Variants in DGKE observed in about 807,000 individuals in gnomAD.
The protein encoded by DGKE is DAG kinase epsilon.
DGKE carries 53 observed loss-of-function variants against 70.0 expected under a neutral mutation model. That is an observed-to-expected ratio of 0.76 (90% confidence interval 0.61 to 0.95). The LOEUF is 0.95. DGKE is among the 40% of genes least tolerant of loss of function. DGKE has a pLI of 0.00. For synonymous variants in DGKE, 291 were observed against 257.0 expected (o/e 1.13, Z -1.27); for missense variants, 655 against 706.9 (o/e 0.93, Z 0.83).
intron 4 of DGKE, among the ~76,000 whole-genome samples, chr17:56,846,879 C>T (rs1322241658): frequency 6.6e-6 from 1 of 152,106 alleles, no homozygotes; most frequent in African/African-American, 2.4e-5. Flanking sequence ...TAACAATAAT[C>T]TAGATACAAA....
rs1267029237 is a variant in DGKE at position 56,867,616 on chromosome 17, C to A, written c.*4825C>A. 6.6e-6 allele frequency: 1 copy of A among 152,306 alleles called. No homozygotes were observed. Among genetic ancestry groups the A allele is most frequent in the Non-Finnish European group, 1.5e-5 (1 of 68,898 alleles). 9.4% of individuals were successfully genotyped at this position (152,306 alleles called of 1,614,324 possible). Reference sequence around the variant, plus strand: ...AGACTCCATCTCAAAAAAAAAAAGGCCGGGCGTGGTGGCTCACGCCTGTAA... The same window carrying A: ...AGACTCCATCTCAAAAAAAAAAAGGACGGGCGTGGTGGCTCACGCCTGTAA... On this transcript the variant is annotated 3_prime_UTR_variant, in exon 12 of 12. Transcript: ENST00000284061.
chr17:56,854,063 C>T (rs1907801800), intron 7 of DGKE, among the ~76,000 whole-genome samples: 1 of 65,644 alleles, frequency 1.5e-5, no homozygotes, highest in African/African-American at 5.3e-5. Flanking sequence ...ATAAATAAAC[C>T]AGTCACAGAC....
At chr17:56,858,989 T>C (rs1247476058) in intron 9 of DGKE, among the ~76,000 whole-genome samples, 1 of 152,220 alleles carries the variant, frequency 6.6e-6, no homozygotes, top group Non-Finnish European at 1.5e-5. Context: ...AAATCCAGTC[T>C]GTTTAACTAT....
At chr17:56,851,267 A>T (rs746900292) in intron 7 of DGKE, among the ~76,000 whole-genome samples, 2 of 152,066 alleles carry the variant, frequency 1.3e-5, no homozygotes, top group Non-Finnish European at 2.9e-5. Flanking sequence ...CCTTTCCCCA[A>T]CTTCACATGG....
intron 3 of DGKE, among the ~76,000 whole-genome samples, chr17:56,845,440 T>C (rs1018724678): frequency 2.6e-5 from 4 of 152,170 alleles, no homozygotes; most frequent in Admixed American, 2.6e-4. Flanking sequence ...CTTATGTGAG[T>C]GTGCGAGCAT....
At chr17:56,834,696 C>T in intron 1 of DGKE, 82 bp from the exon 2 acceptor site, 2 of 1,341,804 alleles carry the variant, frequency 1.5e-6, no homozygotes, top group Non-Finnish European at 2.0e-6. Flanking sequence ...TGAGGGCGCC[C>T]GGTTTGGCCC....
intron 9 of DGKE, 22 bp from the exon 10 acceptor site, chr17:56,861,769 A>G (rs1908304829): frequency 6.2e-7 from 1 of 1,609,472 alleles, no homozygotes; most frequent in Non-Finnish European, 8.5e-7. Context: ...TGTAGTCACT[A>G]TCTATTTGTA....
rs370811171 is a variant in DGKE, at chr17:56,856,492, A to G, written c.1099-20A>G. 2.0e-5 allele frequency: 32 copies of G among 1,607,498 alleles called. No homozygotes were observed. The highest frequency in any genetic ancestry group is 2.7e-5 in the Non-Finnish European group (32 of 1,176,908). On this transcript the variant is annotated intron_variant, in intron 7 of 11. Coordinates refer to ENST00000284061, the MANE Select transcript of DGKE (RefSeq NM_003647.3). ...TAGGTGGAACCATAGTCTGTTGCTT[A>G]TTCTTACCCTTTCTCACAGGAATTC...
intron 7 of DGKE, 118 bp downstream of exon 7, chr17:56,849,350 A>T: frequency 1.2e-6 from 1 of 867,664 alleles, no homozygotes; most frequent in Non-Finnish European, 1.8e-6. Flanking sequence ...GTGGAGCAGA[A>T]CAGAAGCTTA....
At chr17:56,844,401 T>C (rs1907169343) in intron 3 of DGKE, among the ~76,000 whole-genome samples, 1 of 152,194 alleles carries the variant, frequency 6.6e-6, no homozygotes, top group Admixed American at 6.5e-5. Context: ...TTGAGTTCTT[T>C]CATGTCTAAA....
intron 7 of DGKE, among the ~76,000 whole-genome samples, chr17:56,855,983 G>A (rs982953842): frequency 4.1e-5 from 6 of 147,098 alleles, no homozygotes; most frequent in African/African-American, 1.5e-4. Flanking sequence ...TCCAGCCAGG[G>A]CGACAGTCCG....
At chr17:56,853,472 C>G (rs1044417100) in intron 7 of DGKE, among the ~76,000 whole-genome samples, 1 of 152,056 alleles carries the variant, frequency 6.6e-6, no homozygotes, top group African/African-American at 2.4e-5. Flanking sequence ...TGAATTGATT[C>G]TTTATAATGG....
chr17:56,853,201 C>T (rs905930219), intron 7 of DGKE, among the ~76,000 whole-genome samples: 3 of 152,114 alleles, frequency 2.0e-5, no homozygotes, highest in Admixed American at 6.5e-5. Context: ...AGTTCCTTAT[C>T]GAGTGTATAA....
Position 56,861,888 on chromosome 17 carries a change from G to A in DGKE, c.1382G>A (p.Gly461Glu), listed in dbSNP as rs1235326725. 6.2e-7 allele frequency: 1 copy of A among 1,612,750 alleles called. No individual in the cohort carries two copies. Among genetic ancestry groups the A allele is most frequent in the African/African-American group, 1.3e-5 (1 of 74,816 alleles). The change falls in exon 10 of 12, where the codon GGG (glycine) becomes GAG (glutamate). Residue 461 changes from glycine to glutamate, a missense_variant. Coordinates refer to ENST00000284061, the MANE Select transcript of DGKE (RefSeq NM_003647.3). ...YWGGGCRLWE[G>E]MGDETYPLAR... The stretch of plus-strand genomic sequence containing the variant: ...GGCGGTGGCTGCAGACTATGGGAAG[G>A]GATGGGGGACGAGACTTACCCTCTA...
rs1908427654 is a variant in DGKE at position 56,863,980 on chromosome 17, T to G, written c.*1189T>G. The G allele has an allele frequency of 6.6e-6, 1 of 152,248 alleles. No homozygotes were observed. The highest frequency in any genetic ancestry group is 2.4e-5 in the African/African-American group (1 of 41,464). 9.4% of individuals were successfully genotyped at this position (152,248 alleles called of 1,614,324 possible). On this transcript the variant is annotated 3_prime_UTR_variant, in exon 12 of 12. Coordinates refer to ENST00000284061, the MANE Select transcript of DGKE (RefSeq NM_003647.3). The stretch of plus-strand genomic sequence containing the variant: ...AATTCTCCTGACAGAAATCTAGATA[T>G]TCTTATTCTTCACAAATATTCCTCA...
At chr17:56,847,390 A>G (rs1907352699) in intron 4 of DGKE, 1 of 148,020 alleles carries the variant, frequency 6.8e-6, no homozygotes, top group African/African-American at 2.5e-5. Context: ...GCTGGAGTGC[A>G]GGGGCATGAT....
intron 7 of DGKE, among the ~76,000 whole-genome samples, chr17:56,854,198 T>G (rs1907811860): frequency 1.3e-5 from 2 of 152,140 alleles, no homozygotes; most frequent in African/African-American, 4.8e-5. Context: ...AGACATTGGT[T>G]AATAGGTACA....
chr17:56,862,191 T>C lies in DGKE; in HGVS notation c.1464T>C (p.Cys488=). Residue 488 remains cysteine (C), a synonymous_variant, in exon 11 of 12, where the codon TGT becomes TGC. Coordinates refer to ENST00000284061, the MANE Select transcript of DGKE (RefSeq NM_003647.3). The part of the protein sequence containing the change: ...EVVGVYGSFH[C]AQIQVKLANP... ...TTGGAGTATATGGGTCTTTCCACTG[T>C]GCTCAGATTCAAGTAAAACTGGCTA... is the stretch of plus-strand genomic sequence containing the variant. 2 of 1,614,242 alleles carry C rather than the reference T, an allele frequency of 1.2e-6. No individual in the cohort carries two copies. The highest frequency in any genetic ancestry group is 1.7e-6 in the Non-Finnish European group (2 of 1,180,032).
At chr17:56,862,085 C>G (rs745762759) in intron 10 of DGKE, 55 bp from the exon 11 acceptor site, 36 of 1,587,544 alleles carry the variant, frequency 2.3e-5, no homozygotes, top group Non-Finnish European at 3.1e-5. Context: ...ATTGCTCTAG[C>G]ATAACTGATT....
Sources: allele counts gnomAD v4.1 joint callset (sites outside exome capture counted in the v4.1 genomes callset), GRCh38; gene constraint gnomAD v4.1.1; transcripts MANE v1.5; gene names NCBI Gene and HGNC (gene_info 2026-07-23, HGNC 2026-07-21).